CACNA2D1: variants seen among roughly 807,000 people sequenced by gnomAD.
CACNA2D1 encodes the protein calcium voltage-gated channel auxiliary subunit alpha2delta 1.
Under a neutral mutation model 171.5 loss-of-function variants are expected in CACNA2D1, and 53 were observed. The ratio of observed to expected loss-of-function variants is 0.31; its 90% CI spans 0.25 to 0.39. The LOEUF is 0.39. Ranked by LOEUF, CACNA2D1 falls within the 10% of genes least tolerant of loss-of-function variation. CACNA2D1 has a pLI of 1.00. For synonymous variants in CACNA2D1, 442 were observed against 443.1 expected, an observed-to-expected ratio of 1.00 and a Z score of 0.03; for missense variants, 903 against 1,299.8, an observed-to-expected ratio of 0.69 and a Z score of 4.69.
intron 20 of CACNA2D1, among the ~76,000 whole-genome samples, chr7:81,992,198 C>T (rs1034279197): frequency 6.6e-6 from 1 of 152,022 alleles, no homozygotes; most frequent in African/African-American, 2.4e-5. Flanking sequence ...TCATCATTCT[C>T]ACCAAAACAG....
At chr7:82,095,782 CT>C (rs1428583862) in intron 6 of CACNA2D1, among the ~76,000 whole-genome samples, 3 of 152,048 alleles carry the variant, frequency 2.0e-5, no homozygotes, top group African/African-American at 7.2e-5. Flanking sequence ...AGAACATTTC[CT>C]TTTCTTTCCT....
chr7:82,108,280 G>A (rs77961510), intron 6 of CACNA2D1, among the ~76,000 whole-genome samples: 13,639 of 152,108 alleles, frequency 0.09, 698 homozygotes, highest in Middle Eastern at 0.22. Context: ...CCTTTTAAGG[G>A]TTAGTGTGTA....
chr7:82,114,734 C>T (rs1584798102), intron 6 of CACNA2D1, among the ~76,000 whole-genome samples: 2 of 127,776 alleles, frequency 1.6e-5, no homozygotes, highest in African/African-American at 5.9e-5. Context: ...TCAGCCTGGG[C>T]AAGGGAGTGA....
intron 10 of CACNA2D1, among the ~76,000 whole-genome samples, chr7:82,055,182 C>G (rs1399699211): frequency 6.6e-6 from 1 of 152,166 alleles, no homozygotes; most frequent in Non-Finnish European, 1.5e-5. Context: ...ACCCTTTGTA[C>G]TAGGATGAGG....
chr7:82,215,276 T>C (rs1237870918), intron 3 of CACNA2D1, among the ~76,000 whole-genome samples: 1 of 152,126 alleles, frequency 6.6e-6, no homozygotes, highest in Non-Finnish European at 1.5e-5. Context: ...AAAACCCTAG[T>C]CTTATTAGTC....
intron 6 of CACNA2D1, among the ~76,000 whole-genome samples, chr7:82,091,135 A>T (rs1336489245): frequency 6.6e-6 from 1 of 152,190 alleles, no homozygotes; most frequent in Non-Finnish European, 1.5e-5. Flanking sequence ...ATTAAAATGA[A>T]TGAATCTTTT....
intron 5 of CACNA2D1, among the ~76,000 whole-genome samples, chr7:82,118,472 G>A (rs1461421165): frequency 6.6e-6 from 1 of 152,096 alleles, no homozygotes; most frequent in Non-Finnish European, 1.5e-5. Context: ...ATGAATGGAT[G>A]TATACATAGC....
chr7:82,268,846 C>A (rs1052216248), intron 3 of CACNA2D1, among the ~76,000 whole-genome samples: 1 of 151,934 alleles, frequency 6.6e-6, no homozygotes, highest in African/African-American at 2.4e-5. Flanking sequence ...GATAAGGAAG[C>A]AAAGGGTGGC....
chr7:82,181,041 ATTTTTTTTTTTTTTTT>A (rs71093367), intron 3 of CACNA2D1, among the ~76,000 whole-genome samples: 35 of 13,960 alleles, frequency 2.5e-3, no homozygotes, highest in Admixed American at 0.011. Context: ...GGCATGTCGG[ATTTTTTTTTTTTTTTT>A]TTTTTTTTTT....
At chr7:82,337,472 T>C (rs972429644) in intron 2 of CACNA2D1, among the ~76,000 whole-genome samples, 4 of 152,222 alleles carry the variant, frequency 2.6e-5, no homozygotes, top group Non-Finnish European at 4.4e-5. Context: ...TATATTTTCA[T>C]AATATGTGTA....
rs1331300453 is a variant in CACNA2D1, at chr7:82,042,474, G to A, written c.880-4239C>T. 4.6e-5 allele frequency among the ~76,000 whole-genome samples: 7 copies of A among 152,132 alleles called. No homozygotes were observed. The East Asian group carries it at 1.3e-3, about 29-fold the overall frequency. On this transcript the variant is annotated intron_variant, in intron 10 of 38. Transcript: ENST00000356860. ...AATTAAGAAAATACTTCTTGTAAAA[G>A]TGTGTATTTAACATGACAGAGTCAG...
chr7:82,079,974 C>T (rs976552675), intron 7 of CACNA2D1, among the ~76,000 whole-genome samples: 2 of 151,718 alleles, frequency 1.3e-5, no homozygotes, highest in Non-Finnish European at 2.9e-5. Flanking sequence ...AAAACTTATA[C>T]ATATTATCTT....
intron 19 of CACNA2D1, among the ~76,000 whole-genome samples, chr7:81,995,798 C>CAAA (rs59979323): frequency 9.8e-6 from 1 of 101,548 alleles, no homozygotes; most frequent in Admixed American, 1.0e-4. Context: ...GACTCCACCT[C>CAAA]AAAAAAAAAA....
intron 7 of CACNA2D1, among the ~76,000 whole-genome samples, chr7:82,070,003 A>G (rs1808132217): frequency 6.6e-6 from 1 of 152,282 alleles, no homozygotes; most frequent in Middle Eastern, 3.4e-3. Flanking sequence ...ATAGAGTATT[A>G]GTCATGGCTC....
At chr7:82,266,582 T>C (rs770881363) in intron 3 of CACNA2D1, among the ~76,000 whole-genome samples, 1 of 151,618 alleles carries the variant, frequency 6.6e-6, no homozygotes, top group Non-Finnish European at 1.5e-5. Context: ...AATGGTGTGA[T>C]CTCGGCTCAC....
chr7:82,178,831 C>T lies in CACNA2D1; in HGVS notation c.295-8222G>A, dbSNP rs148920577. ...CCCTCCCTCTAAATCACTAAATGTGCGTTCATCCAGTGCAGGAAGCAGTTC... is the reference window on the plus strand; with the variant it reads ...CCCTCCCTCTAAATCACTAAATGTGTGTTCATCCAGTGCAGGAAGCAGTTC... On this transcript the variant is annotated intron_variant, in intron 3 of 38. Transcript: ENST00000356860. Among the ~76,000 whole-genome samples, 253 of 152,182 alleles carry T rather than the reference C, an allele frequency of 1.7e-3. 1 individual carries two copies. The highest frequency in any genetic ancestry group is 2.9e-3 in the Non-Finnish European group (199 of 67,990).
intron 4 of CACNA2D1, among the ~76,000 whole-genome samples, chr7:82,149,744 C>T (rs374163683): frequency 2.0e-5 from 3 of 148,388 alleles, no homozygotes; most frequent in Non-Finnish European, 3.0e-5. Flanking sequence ...CTGGCTAATA[C>T]GGTAAAACCC....
At chr7:82,385,644 T>C (rs1232040861) in intron 1 of CACNA2D1, among the ~76,000 whole-genome samples, 1 of 142,888 alleles carries the variant, frequency 7.0e-6, no homozygotes, top group Non-Finnish European at 1.5e-5. Flanking sequence ...AAGGGGTTTT[T>C]TGGTTGTTTT....
intron 3 of CACNA2D1, among the ~76,000 whole-genome samples, chr7:82,317,317 A>G (rs528115164): frequency 2.2e-4 from 33 of 152,314 alleles, no homozygotes; most frequent in African/African-American, 6.7e-4. Context: ...ATGGATGCCT[A>G]CTTATGTGGC....
Sources: allele counts gnomAD v4.1 joint callset (sites outside exome capture counted in the v4.1 genomes callset), GRCh38; gene constraint gnomAD v4.1.1; transcripts MANE v1.5; gene names NCBI Gene and HGNC (gene_info 2026-07-23, HGNC 2026-07-21).